The following ANO3 variants were observed in gnomAD, a reference collection of about 807,000 sequenced individuals.
The protein encoded by ANO3 is anoctamin-3.
In ANO3, 99 loss-of-function variants were observed where a neutral mutation model predicts 144.8. The observed-to-expected ratio is 0.68, with a 90% CI of 0.58 to 0.81. The LOEUF (loss-of-function observed/expected upper bound fraction) is 0.81. Ranked by LOEUF, ANO3 falls within the 30% of genes least tolerant of loss-of-function variation. The pLI is 0.00. For missense variants in ANO3, 905 were observed against 1,202.2 expected, an observed-to-expected ratio of 0.75 and a Z score of 3.66; for synonymous variants, 414 against 392.6, an observed-to-expected ratio of 1.05 and a Z score of -0.64.
chr11:26,443,843 T>G lies in ANO3; in HGVS notation c.313+7T>G, dbSNP rs779922675. 4.4e-6 allele frequency: 7 copies of G among 1,601,546 alleles called. No homozygotes were observed. The highest frequency in any genetic ancestry group is 6.0e-6 in the Non-Finnish European group (7 of 1,169,842). Reference sequence around the variant, plus strand: ...CTCAGCGATTTTTGTTTGGGTAAGTTGATAATCAGTATTTACCTACTCCTT... The same window carrying G: ...CTCAGCGATTTTTGTTTGGGTAAGTGGATAATCAGTATTTACCTACTCCTT... On this transcript the variant is annotated splice_region_variant and intron_variant, in intron 3 of 26. Coordinates refer to ENST00000256737, the MANE Select transcript of ANO3 (RefSeq NM_031418.4).
intron 1 of ANO3, chr11:26,287,857 G>A (rs771303576): frequency 1.3e-5 from 2 of 152,168 alleles, no homozygotes; most frequent in Admixed American, 1.3e-4. Context: ...TAATGGCAGA[G>A]GATGAGTTGA....
intron 5 of ANO3, among the ~76,000 whole-genome samples, chr11:26,512,632 A>G (rs1169742605): frequency 6.6e-6 from 1 of 152,230 alleles, no homozygotes; most frequent in Non-Finnish European, 1.5e-5. Context: ...GACTTACAAA[A>G]TGAGAAATAT....
chr11:26,348,461 G>A (rs1855553195), intron 1 of ANO3, among the ~76,000 whole-genome samples: 1 of 152,112 alleles, frequency 6.6e-6, no homozygotes, highest in Non-Finnish European at 1.5e-5. Context: ...AATATTGATG[G>A]AACTCTTACC....
chr11:26,591,139 G>A (rs1328368631), intron 14 of ANO3, among the ~76,000 whole-genome samples: 2 of 152,116 alleles, frequency 1.3e-5, no homozygotes, highest in Non-Finnish European at 2.9e-5. Context: ...GGTAGGTGCG[G>A]TCCCCTTCCC....
intron 12 of ANO3, among the ~76,000 whole-genome samples, chr11:26,548,142 A>C (rs1351471863): frequency 1.3e-5 from 2 of 151,350 alleles, no homozygotes; most frequent in East Asian, 3.9e-4. Context: ...TACTCTCTGG[A>C]GGAACAAATA....
intron 1 of ANO3, among the ~76,000 whole-genome samples, chr11:26,255,019 T>C (rs1481486596): frequency 6.6e-6 from 1 of 152,172 alleles, no homozygotes; most frequent in East Asian, 1.9e-4. Flanking sequence ...CCACATTGTG[T>C]TCGGTCCATT....
At chr11:26,560,989 C>A in intron 14 of ANO3, 1 of 1,437,392 alleles carries the variant, frequency 7.0e-7, no homozygotes, top group Non-Finnish European at 9.5e-7. Context: ...TTTTGTGTAA[C>A]CTTTTGAAAG....
chr11:26,337,417 C>G (rs746869627), intron 1 of ANO3, among the ~76,000 whole-genome samples: 9 of 152,118 alleles, frequency 5.9e-5, no homozygotes, highest in Non-Finnish European at 1.2e-4. Flanking sequence ...TCAAAGCTAT[C>G]TAGAATTTTA....
intron 1 of ANO3, among the ~76,000 whole-genome samples, chr11:26,385,916 T>C (rs1856719043): frequency 6.6e-6 from 1 of 151,676 alleles, no homozygotes; most frequent in Non-Finnish European, 1.5e-5. Context: ...TATACATATT[T>C]ACATGTATAA....
At chr11:26,212,213 A>G (rs938021805) in intron 1 of ANO3, among the ~76,000 whole-genome samples, 3 of 151,952 alleles carry the variant, frequency 2.0e-5, no homozygotes, top group Non-Finnish European at 4.4e-5. Context: ...AAAAAAGTAT[A>G]TATTAAAAAA....
intron 1 of ANO3, among the ~76,000 whole-genome samples, chr11:26,190,656 T>C (rs1266090964): frequency 2.0e-5 from 3 of 152,206 alleles, no homozygotes; most frequent in South Asian, 2.1e-4. Context: ...GATTCAACTA[T>C]TGTCTTTATG....
At chr11:26,319,868 C>A (rs1186950870) in intron 1 of ANO3, among the ~76,000 whole-genome samples, 5 of 150,984 alleles carry the variant, frequency 3.3e-5, no homozygotes, top group Admixed American at 1.3e-4. Flanking sequence ...TATCAATGTA[C>A]AATCAAGGCA....
At chr11:26,348,903 C>A (rs1049258929) in intron 1 of ANO3, among the ~76,000 whole-genome samples, 22 of 152,288 alleles carry the variant, frequency 1.4e-4, no homozygotes, top group African/African-American at 4.1e-4. Context: ...GAAAGAAGAA[C>A]CCTTGCCTAA....
intron 14 of ANO3, among the ~76,000 whole-genome samples, chr11:26,576,687 A>G (rs1341396946): frequency 6.6e-6 from 1 of 152,112 alleles, no homozygotes; most frequent in African/African-American, 2.4e-5. Context: ...TTGCCATCTA[A>G]CATACTGTAT....
At chr11:26,407,066 G>GTATATATATATA (rs1293298817) in intron 1 of ANO3, among the ~76,000 whole-genome samples, 14 of 57,244 alleles carry the variant, frequency 2.4e-4, no homozygotes, top group Non-Finnish European at 3.2e-4. Flanking sequence ...GTGTGTGTGT[G>GTATATATATATA]TGTGTGTGTG....
intron 1 of ANO3, among the ~76,000 whole-genome samples, chr11:26,193,180 T>C (rs1851511799): frequency 6.8e-6 from 1 of 147,714 alleles, no homozygotes; most frequent in Admixed American, 6.8e-5. Context: ...TCACTCTTGT[T>C]GCCCAGGCTG....
chr11:26,317,589 A>G (rs374898277), intron 1 of ANO3, among the ~76,000 whole-genome samples: 35 of 152,196 alleles, frequency 2.3e-4, no homozygotes, highest in African/African-American at 8.4e-4. Flanking sequence ...AATGGTGATC[A>G]TTAAACAGTC....
intron 14 of ANO3, among the ~76,000 whole-genome samples, chr11:26,594,647 T>G (rs1328293439): frequency 6.6e-6 from 1 of 152,124 alleles, no homozygotes; most frequent in Non-Finnish European, 1.5e-5. Flanking sequence ...TTTGTCTATC[T>G]CTTTTTGGAC....
chr11:26,308,528 G>C (rs980222752), upstream of ANO3, among the ~76,000 whole-genome samples: 1 of 151,952 alleles, frequency 6.6e-6, no homozygotes, highest in African/African-American at 2.4e-5. Context: ...TTTTTTTTCT[G>C]TTATTACATA....
Sources: gnomAD v4.1 joint callset for allele counts (sites outside exome capture counted in the v4.1 genomes callset) on GRCh38, gnomAD v4.1.1 for gene constraint, MANE v1.5 for transcripts, NCBI Gene and HGNC (gene_info 2026-07-23, HGNC 2026-07-21) for gene names.